Variants in ZNF385D observed in about 807,000 individuals in gnomAD.
ZNF385D encodes the protein zinc finger protein 385D, also known as zinc finger protein 659.
In ZNF385D, 15 loss-of-function variants were observed where a neutral mutation model predicts 35.8. The observed-to-expected ratio is 0.42, with a 90% CI of 0.28 to 0.64. The LOEUF (loss-of-function observed/expected upper bound fraction) is 0.64. Among genes scored for constraint, ZNF385D ranks in the 30% least tolerant of loss-of-function variants. ZNF385D has a pLI of 0.23. For synonymous variants in ZNF385D, 212 were observed against 186.8 expected (o/e 1.13, Z -1.10); for missense variants, 474 against 494.6 (o/e 0.96, Z 0.39).
chr3:22,199,501 G>A (rs1028602985), intron 2 of ZNF385D, among the ~76,000 whole-genome samples: 1 of 152,046 alleles, frequency 6.6e-6, no homozygotes, highest in African/African-American at 2.4e-5. Context: ...AGCTTCCATA[G>A]AGTCAGGAAA....
rs570027061 is a variant in ZNF385D at position 21,739,352 on chromosome 3, G to A, written c.22+11543C>T. Reference sequence around the variant, plus strand: ...CTCTCCACGGACATTTTTAATGGAAGCTGCGGTGGAGGAGCTGCCTTGACT... The same window carrying A: ...CTCTCCACGGACATTTTTAATGGAAACTGCGGTGGAGGAGCTGCCTTGACT... On this transcript the variant is annotated intron_variant, in intron 1 of 7. Coordinates refer to ENST00000281523, the MANE Select transcript of ZNF385D (RefSeq NM_024697.3). 3.9e-5 allele frequency among the ~76,000 whole-genome samples: 6 copies of A among 152,306 alleles called. No homozygotes were observed. The South Asian group carries it at 8.3e-4, about 21-fold the overall frequency.
At chr3:22,005,477 T>C (rs1485827654) in intron 3 of ZNF385D, among the ~76,000 whole-genome samples, 2 of 152,186 alleles carry the variant, frequency 1.3e-5, no homozygotes, top group East Asian at 3.9e-4. Context: ...TATTTTTAAA[T>C]AGCTATAAGA....
intron 3 of ZNF385D, among the ~76,000 whole-genome samples, chr3:22,161,001 T>A (rs992129920): frequency 2.0e-5 from 3 of 152,086 alleles, no homozygotes; most frequent in African/African-American, 7.2e-5. Context: ...CAAAGAACCA[T>A]TCTTAATCTA....
chr3:22,107,625 G>A (rs1171913314), intron 3 of ZNF385D, among the ~76,000 whole-genome samples: 1 of 151,898 alleles, frequency 6.6e-6, no homozygotes, highest in East Asian at 1.9e-4. Flanking sequence ...GCTTACTGCA[G>A]GAAAATATAC....
At chr3:21,735,522 T>C (rs1330012447) in intron 1 of ZNF385D, among the ~76,000 whole-genome samples, 3 of 152,188 alleles carry the variant, frequency 2.0e-5, no homozygotes, top group Admixed American at 6.5e-5. Flanking sequence ...CATGTATATA[T>C]AAAATTCTTC....
At chr3:21,912,931 G>A (rs17642348) in intron 3 of ZNF385D, among the ~76,000 whole-genome samples, 21,747 of 151,938 alleles carry the variant, frequency 0.14, 1,669 homozygotes, top group Middle Eastern at 0.28. Flanking sequence ...AAATTGAAAC[G>A]GTACTGACAA....
At position 21,932,392 on chromosome 3, in the gene ZNF385D, G is replaced by T. The variant is rs114313310; in HGVS notation, c.325+236425C>A. On this transcript the variant is annotated intron_variant, in intron 3 of 5. Transcript: ENST00000494108. ...CAGTATATAACGCAGCACTCTGATT[G>T]TGACTTAATATGGGGATAGATTTTT... Among the ~76,000 whole-genome samples, 745 of 151,372 alleles carry T rather than the reference G, an allele frequency of 4.9e-3. 4 individuals carry two copies. Among genetic ancestry groups the T allele is most frequent in the Middle Eastern group, 0.014 (4 of 294 alleles).
chr3:21,783,226 G>C (rs1575641942), intron 3 of ZNF385D, among the ~76,000 whole-genome samples: 1 of 152,218 alleles, frequency 6.6e-6, no homozygotes, highest in South Asian at 2.1e-4. Context: ...GAAGAGCCTG[G>C]ATAGGTAATG....
chr3:21,708,565 A>G (rs752779989), intron 1 of ZNF385D, among the ~76,000 whole-genome samples: 5 of 152,206 alleles, frequency 3.3e-5, no homozygotes, highest in Admixed American at 3.3e-4. Flanking sequence ...ATGTGGAAAT[A>G]AATTTGAAAT....
At chr3:21,589,318 T>C (rs1575263736) in intron 2 of ZNF385D, among the ~76,000 whole-genome samples, 1 of 152,192 alleles carries the variant, frequency 6.6e-6, no homozygotes, top group South Asian at 2.1e-4. Context: ...GAGGAAGATA[T>C]GTCATTGTCA....
At chr3:22,309,006 C>G (rs550911214) in intron 2 of ZNF385D, among the ~76,000 whole-genome samples, 1 of 152,130 alleles carries the variant, frequency 6.6e-6, no homozygotes, top group South Asian at 2.1e-4. Context: ...GGCTATAAAG[C>G]TAATTTTTCC....
intron 3 of ZNF385D, among the ~76,000 whole-genome samples, chr3:21,522,036 G>A (rs1707940554): frequency 6.6e-6 from 1 of 152,084 alleles, no homozygotes. Flanking sequence ...CAAAATAAAG[G>A]AAAATGAATG....
chr3:22,003,664 C>G (rs567256850), intron 3 of ZNF385D, among the ~76,000 whole-genome samples: 3 of 151,962 alleles, frequency 2.0e-5, no homozygotes, highest in African/African-American at 7.3e-5. Flanking sequence ...GCCAGGTGTT[C>G]GAGACCAGCT....
intron 3 of ZNF385D, among the ~76,000 whole-genome samples, chr3:21,982,516 A>T (rs1420921321): frequency 6.6e-6 from 1 of 152,156 alleles, no homozygotes; most frequent in Non-Finnish European, 1.5e-5. Context: ...ATATATAATC[A>T]TGTTGTCTGC....
intron 2 of ZNF385D, among the ~76,000 whole-genome samples, chr3:22,308,087 C>A (rs987849875): frequency 2.0e-5 from 3 of 152,176 alleles, no homozygotes. Flanking sequence ...GTTTAAAGCA[C>A]TGACATAGTA....
rs149484159 is a variant in ZNF385D at position 21,719,441 on chromosome 3, C to T, written c.22+31454G>A. Among the ~76,000 whole-genome samples the T allele has an allele frequency of 1.1e-4, 17 of 152,312 alleles. No individual in the cohort carries two copies. The East Asian group carries it at 1.9e-3, about 17-fold the overall frequency. ...TCAGCATTTGCACTGTAATTGAGCT[C>T]ACTCAAGCAAAGGTATCTCCAGTAG... On this transcript the variant is annotated intron_variant, in intron 1 of 7. Transcript: ENST00000281523.
intron 1 of ZNF385D, among the ~76,000 whole-genome samples, chr3:21,688,846 C>T (rs575367850): frequency 6.6e-6 from 1 of 152,100 alleles, no homozygotes. Flanking sequence ...AAGAGCACAA[C>T]AGGATATCTG....
intron 2 of ZNF385D, among the ~76,000 whole-genome samples, chr3:22,362,678 A>G (rs1472473986): frequency 6.6e-6 from 1 of 152,132 alleles, no homozygotes; most frequent in East Asian, 1.9e-4. Flanking sequence ...AACTTTTTAA[A>G]AGTATAATTC....
intron 3 of ZNF385D, among the ~76,000 whole-genome samples, chr3:22,037,192 A>C (rs1033199679): frequency 2.6e-5 from 4 of 151,130 alleles, no homozygotes; most frequent in Non-Finnish European, 5.9e-5. Flanking sequence ...GTGTCTTTAT[A>C]GCAGCATGTT....
Sources: gnomAD v4.1 joint callset for allele counts (sites outside exome capture counted in the v4.1 genomes callset) on GRCh38, gnomAD v4.1.1 for gene constraint, MANE v1.5 for transcripts, NCBI Gene and HGNC (gene_info 2026-07-23, HGNC 2026-07-21) for gene names.